CHST15: variants seen among roughly 807,000 people sequenced by gnomAD.
CHST15 encodes carbohydrate sulfotransferase 15.
CHST15 carries 30 observed loss-of-function variants against 53.6 expected under a neutral mutation model. The ratio of observed to expected loss-of-function variants is 0.56; its 90% confidence interval spans 0.42 to 0.76. The LOEUF is 0.76. Ranked by LOEUF, CHST15 falls within the 30% of genes least tolerant of loss-of-function variation. The probability of loss-of-function intolerance (pLI) is 0.00; values close to 1 mark genes in which losing one functional copy is unlikely to be tolerated. For missense variants in CHST15, 627 were observed against 740.5 expected (o/e 0.85, Z 1.78); for synonymous variants, 296 against 289.8 (o/e 1.02, Z -0.22).
Position 124,008,682 on chromosome 10 carries a change from C to T in CHST15, c.*1467G>A. The T allele has an allele frequency of 9.0e-7, 1 of 1,116,446 alleles. No individual in the cohort carries two copies. Among genetic ancestry groups the T allele is most frequent in the South Asian group, 2.1e-5 (1 of 48,680 alleles). The allele number at this position is 1,116,446 out of a possible 1,614,324, so 69.2% of individuals were successfully genotyped here. ...TACCCCCGAAGCCTGGTCTGTCTCA[C>T]ACATACAAGTTAGAGCTGGGTAGAC... is the stretch of plus-strand genomic sequence containing the variant. On this transcript the variant is annotated 3_prime_UTR_variant, in exon 8 of 8. Coordinates refer to ENST00000435907, the MANE Select transcript of CHST15 (RefSeq NM_001270764.2).
intron 1 of CHST15, among the ~76,000 whole-genome samples, chr10:124,085,935 G>A (rs1949407974): frequency 6.6e-6 from 1 of 152,208 alleles, no homozygotes; most frequent in African/African-American, 2.4e-5. Flanking sequence ...GCCAGGTCCA[G>A]GCCCGGCTGG....
chr10:124,012,494 A>C lies in CHST15; in HGVS notation c.1348-14T>G, dbSNP rs372099228. On this transcript the variant is annotated splice_polypyrimidine_tract_variant and intron_variant, in intron 6 of 7. Transcript: ENST00000435907. The stretch of plus-strand genomic sequence containing the variant: ...CTGGAGCCTCACCTAGGACCACAGA[A>C]GAAGGGCATTATTTCAGGAGCAGTT... 28 of 1,604,432 alleles carry C rather than the reference A, an allele frequency of 1.7e-5. No homozygotes were observed. In the Admixed American group the frequency reaches 3.4e-4, roughly 19 times the overall value.
rs199943528 is a variant in CHST15 at position 124,046,078 on chromosome 10, A to T, written c.135T>A (p.Phe45Leu). 2.8e-5 allele frequency: 45 copies of T among 1,614,106 alleles called. No individual in the cohort carries two copies. Among genetic ancestry groups the T allele is most frequent in the Admixed American group, 6.7e-5 (4 of 60,010 alleles). Residue 45 changes from phenylalanine (F) to leucine (L), a missense_variant, in exon 2 of 8, where the codon TTT becomes TTA. Coordinates refer to ENST00000435907, the MANE Select transcript of CHST15 (RefSeq NM_001270764.2). ...AGTTCATCTGCTTACTGTCCACACG[A>T]AACAGAATTTTGTTTTCTCCTTTGC... ...PTCKGENKIL[F>L]RVDSKQMNLL...
At chr10:124,012,726 G>A (rs1467638529) in intron 6 of CHST15, among the ~76,000 whole-genome samples, 1 of 152,200 alleles carries the variant, frequency 6.6e-6, no homozygotes, top group African/African-American at 2.4e-5. Flanking sequence ...GTAGCGCCAT[G>A]CCTCCATTTC....
chr10:124,052,645 C>A (rs894907268), intron 1 of CHST15, among the ~76,000 whole-genome samples: 1 of 152,190 alleles, frequency 6.6e-6, no homozygotes, highest in Admixed American at 6.5e-5. Flanking sequence ...TCTCTTCTCC[C>A]CATTTCTTTG....
chr10:124,089,420 T>A (rs1949535791), intron 1 of CHST15, among the ~76,000 whole-genome samples: 1 of 152,110 alleles, frequency 6.6e-6, no homozygotes, highest in African/African-American at 2.4e-5. Context: ...CCTGAACGTG[T>A]AGATGGGAAA....
At chr10:124,047,455 A>T (rs1948042851) in intron 1 of CHST15, among the ~76,000 whole-genome samples, 1 of 152,246 alleles carries the variant, frequency 6.6e-6, no homozygotes, top group Admixed American at 6.5e-5. Flanking sequence ...GCAAGATATG[A>T]TTCTTAAAAA....
intron 1 of CHST15, among the ~76,000 whole-genome samples, chr10:124,070,441 C>T (rs1241844480): frequency 6.6e-6 from 1 of 152,186 alleles, no homozygotes; most frequent in African/African-American, 2.4e-5. Context: ...TGCAGTGGCT[C>T]GATCTCGGCT....
intron 1 of CHST15, among the ~76,000 whole-genome samples, chr10:124,053,854 G>C (rs1948289164): frequency 6.6e-6 from 1 of 152,056 alleles, no homozygotes; most frequent in Non-Finnish European, 1.5e-5. Flanking sequence ...GGGAGGTTGA[G>C]GCTACGGTGA....
At chr10:124,038,319 T>C (rs541560679) in intron 5 of CHST15, among the ~76,000 whole-genome samples, 196 bp downstream of exon 5, 1 of 152,260 alleles carries the variant, frequency 6.6e-6, no homozygotes, top group South Asian at 2.1e-4. Flanking sequence ...TTGGCCAGGC[T>C]GGTCTTGAAC....
chr10:124,087,824 C>T (rs1949479617), intron 1 of CHST15, among the ~76,000 whole-genome samples: 1 of 152,112 alleles, frequency 6.6e-6, no homozygotes, highest in African/African-American at 2.4e-5. Flanking sequence ...GCGGTCTCCT[C>T]TCTCTGGTTA....
intron 1 of CHST15, among the ~76,000 whole-genome samples, chr10:124,067,131 A>G (rs567196173): frequency 8.9e-4 from 136 of 152,378 alleles, no homozygotes; most frequent in African/African-American, 3.1e-3. Context: ...GGACTTCTGC[A>G]AGTGGCAGAC....
rs188717345 is a variant in CHST15, at chr10:124,017,572, C to T, written c.1347+3684G>A. Among the ~76,000 whole-genome samples the T allele has an allele frequency of 7.1e-4, 108 of 152,312 alleles. 1 individual carries two copies. Among genetic ancestry groups the T allele is most frequent in the African/African-American group, 2.0e-3 (85 of 41,570 alleles). On this transcript the variant is annotated intron_variant, in intron 6 of 7. Coordinates refer to ENST00000435907, the MANE Select transcript of CHST15 (RefSeq NM_001270764.2). Reference sequence around the variant, plus strand: ...CCAAGCACACAACTGGTCACAGCACCGTCCTGCACCTTCTCTCTTGGACCA... The same window carrying T: ...CCAAGCACACAACTGGTCACAGCACTGTCCTGCACCTTCTCTCTTGGACCA...
intron 1 of CHST15, among the ~76,000 whole-genome samples, chr10:124,051,191 G>A (rs778364382): frequency 1.3e-5 from 2 of 152,214 alleles, no homozygotes; most frequent in Non-Finnish European, 2.9e-5. Flanking sequence ...GATCCAGCCC[G>A]CCTTGGCCTC....
rs138487558 is a variant in CHST15, at chr10:124,046,692, G to A, written c.-480C>T. On this transcript the variant is annotated 5_prime_UTR_variant, in exon 2 of 8. Coordinates refer to ENST00000435907, the MANE Select transcript of CHST15 (RefSeq NM_001270764.2). ...AGTACCTTTGGAATATTTCCTCTTT[G>A]TGGGGCGCAAACTTTAAAAAATGCC... The A allele has an allele frequency of 6.5e-6, 1 of 153,276 alleles. No individual in the cohort carries two copies. Among genetic ancestry groups the A allele is most frequent in the African/African-American group, 2.4e-5 (1 of 41,566 alleles). 9.5% of individuals were successfully genotyped at this position (153,276 alleles called of 1,614,324 possible). A position where few individuals can be genotyped will look rare whatever the true frequency, so the allele number is the denominator to read the frequency against.
Position 124,042,359 on chromosome 10 carries a change from A to T in CHST15, c.975T>A (p.His325Gln). ...TTGCAGAGCTGGCCTGCAGTCCTTG[A>T]TGGATCTGGTGTGCGGCCAGGTCAA... The part of the protein sequence containing the change: ...DLFDLAAHQI[H>Q]QGLQASSAKE... The change falls in exon 4 of 8, where the codon CAT (histidine) becomes CAA (glutamine). Residue 325 changes from histidine (H) to glutamine (Q), a missense_variant. Around this residue, in one of 3 missense-constraint regions of CHST15, gnomAD observed 279 missense variants for 371.6 expected, o/e 0.75. Transcript: ENST00000435907. 13 of 1,614,208 alleles carry T rather than the reference A, an allele frequency of 8.1e-6. No individual in the cohort carries two copies. The highest frequency in any genetic ancestry group is 1.1e-5 in the Non-Finnish European group (13 of 1,180,036).
At chr10:124,014,229 C>G (rs1946512377) in intron 6 of CHST15, among the ~76,000 whole-genome samples, 1 of 152,264 alleles carries the variant, frequency 6.6e-6, no homozygotes, top group South Asian at 2.1e-4. Context: ...GGCTTCTCCA[C>G]CATTCCCTCC....
chr10:124,081,349 CACA>C (rs1949229522), intron 1 of CHST15, among the ~76,000 whole-genome samples: 1 of 16,288 alleles, frequency 6.1e-5, no homozygotes, highest in Non-Finnish European at 1.3e-4. Flanking sequence ...TGCATGCACA[CACA>C]TGCACGCATG....
At position 124,012,803 on chromosome 10, in the gene CHST15, G is replaced by A. The variant is rs141710376; in HGVS notation, c.1348-323C>T. ...GCCACCAATGGTGTACATGTTCCTC[G>A]CACAATATCCTGGCTGTTTCTCTGT... On this transcript the variant is annotated intron_variant, in intron 6 of 7. Transcript: ENST00000435907. Among the ~76,000 whole-genome samples, 652 of 152,280 alleles carry A rather than the reference G, an allele frequency of 4.3e-3. 5 individuals are homozygous for A. The highest frequency in any genetic ancestry group is 0.015 in the African/African-American group (618 of 41,548).
Sources: gnomAD v4.1 joint callset for allele counts (sites outside exome capture counted in the v4.1 genomes callset) on GRCh38, gnomAD v4.1.1 for gene constraint, gnomAD v4.1.1 regional missense constraint, MANE v1.5 for transcripts, NCBI Gene and HGNC (gene_info 2026-07-23, HGNC 2026-07-21) for gene names.